VWA8: variants seen among roughly 807,000 people sequenced by gnomAD.
The protein encoded by VWA8 is von Willebrand factor A domain containing 8, also known as von Willebrand factor A domain-containing protein 8.
Under a neutral mutation model 241.5 loss-of-function variants are expected in VWA8, and 221 were observed. The ratio of observed to expected loss-of-function variants is 0.91; its 90% CI spans 0.82 to 1.02. The LOEUF (loss-of-function observed/expected upper bound fraction) is 1.02, where lower values mean the gene tolerates loss of function less well. Among genes scored for constraint, VWA8 ranks in the 50% least tolerant of loss-of-function variants. The pLI is 0.00. For missense variants in VWA8, 2,322 were observed against 2,328.7 expected (o/e 1.00, Z 0.06); for synonymous variants, 852 against 827.1 (o/e 1.03, Z -0.52).
At chr13:41,795,190 G>GA (rs139612211) in intron 17 of VWA8, among the ~76,000 whole-genome samples, 23,364 of 152,000 alleles carry the variant, frequency 0.15, 1,890 homozygotes, top group East Asian at 0.19. Context: ...CAACGAACAT[G>GA]AAAAAAAGCT....
rs7333552 is a variant in VWA8 at position 41,582,859 on chromosome 13, G to C, written c.5271+4653C>G. Among the ~76,000 whole-genome samples the C allele has an allele frequency of 4.5e-3, 679 of 152,288 alleles. 4 individuals are homozygous for C. The highest frequency in any genetic ancestry group is 0.016 in the African/African-American group (649 of 41,556). Reference sequence around the variant, plus strand: ...TGGAGAGAGGAGCTGGGAGCTGAGAGGGGGCGGGCAGTGGCTTACTCTTCA... The same window carrying C: ...TGGAGAGAGGAGCTGGGAGCTGAGACGGGGCGGGCAGTGGCTTACTCTTCA... On this transcript the variant is annotated intron_variant, in intron 42 of 44. Coordinates refer to ENST00000379310, the MANE Select transcript of VWA8 (RefSeq NM_015058.2).
intron 17 of VWA8, among the ~76,000 whole-genome samples, chr13:41,800,736 TGA>T (rs1466671531): frequency 1.4e-5 from 2 of 145,016 alleles, no homozygotes; most frequent in African/African-American, 2.6e-5. Context: ...GAGCTTGTAG[TGA>T]GCTGAGATGG....
intron 4 of VWA8, among the ~76,000 whole-genome samples, chr13:41,895,185 T>C (rs1875039657): frequency 6.6e-6 from 1 of 152,078 alleles, no homozygotes; most frequent in Non-Finnish European, 1.5e-5. Context: ...AACTGATACA[T>C]ATCAGGCGCT....
intron 12 of VWA8, among the ~76,000 whole-genome samples, chr13:41,842,595 T>C (rs12867548): frequency 2.3e-3 from 352 of 152,318 alleles, no homozygotes; most frequent in Middle Eastern, 6.8e-3. Context: ...TCATTGAAGA[T>C]AACCAGAAGT....
At chr13:41,648,637 C>T (rs986379461) in intron 37 of VWA8, among the ~76,000 whole-genome samples, 2 of 152,114 alleles carry the variant, frequency 1.3e-5, no homozygotes, top group Non-Finnish European at 1.5e-5. Flanking sequence ...TTGACGGGGC[C>T]GTAAAATAAT....
At position 41,623,805 on chromosome 13, in the gene VWA8, T is replaced by C. The variant is rs146433020; in HGVS notation, c.4612-8721A>G. ...GGAACAAAGTCACAGCACAAGATGA[T>C]ACAGGCTATGATAAGGTTCTGAATA... On this transcript the variant is annotated intron_variant, in intron 37 of 44. Coordinates refer to ENST00000379310, the MANE Select transcript of VWA8 (RefSeq NM_015058.2). Among the ~76,000 whole-genome samples, 237 of 152,322 alleles carry C rather than the reference T, an allele frequency of 1.6e-3. 1 individual carries two copies. Among genetic ancestry groups the C allele is most frequent in the African/African-American group, 5.2e-3 (218 of 41,586 alleles).
At chr13:41,696,126 T>C (rs1471680030) in intron 29 of VWA8, 1 of 152,216 alleles carries the variant, frequency 6.6e-6, no homozygotes, top group South Asian at 2.1e-4. Context: ...AATACTTTGT[T>C]GAAAATCTTT....
chr13:41,575,907 T>C, intron 42 of VWA8, 69 bp from the exon 43 acceptor site: 1 of 1,182,442 alleles, frequency 8.5e-7, no homozygotes, highest in Non-Finnish European at 1.2e-6. Flanking sequence ...ATCTTTAATG[T>C]TCAACTCTTT....
chr13:41,597,078 T>C (rs1332651413), intron 40 of VWA8, among the ~76,000 whole-genome samples: 7 of 152,112 alleles, frequency 4.6e-5, no homozygotes, highest in Admixed American at 1.3e-4. Flanking sequence ...GCAATTGTTA[T>C]AGAGAGTTTA....
At chr13:41,838,394 T>C (rs535669564) in intron 12 of VWA8, among the ~76,000 whole-genome samples, 16 of 152,278 alleles carry the variant, frequency 1.1e-4, no homozygotes, top group African/African-American at 3.8e-4. Context: ...GCTACCTCTC[T>C]TACTGATACT....
At chr13:41,712,761 G>A (rs573913298) in intron 26 of VWA8, among the ~76,000 whole-genome samples, 1 of 152,094 alleles carries the variant, frequency 6.6e-6, no homozygotes, top group African/African-American at 2.4e-5. Context: ...TTTTTAATCT[G>A]TAAAACAGAT....
chr13:41,640,339 C>T (rs1419869958), intron 37 of VWA8, among the ~76,000 whole-genome samples: 1 of 152,144 alleles, frequency 6.6e-6, no homozygotes, highest in Non-Finnish European at 1.5e-5. Flanking sequence ...CAGCCAGACC[C>T]AAATAGCTCA....
intron 17 of VWA8, among the ~76,000 whole-genome samples, chr13:41,804,000 A>G (rs1870076157): frequency 6.6e-6 from 1 of 152,212 alleles, no homozygotes; most frequent in Non-Finnish European, 1.5e-5. Flanking sequence ...GAGGAGACAA[A>G]AGAATAAAAC....
rs1004093307 is a variant in VWA8, at chr13:41,960,741, C to A, written c.163+112G>T. On this transcript the variant is annotated intron_variant, in intron 1 of 44. Coordinates refer to ENST00000379310, the MANE Select transcript of VWA8 (RefSeq NM_015058.2). ...CTCAATCTTTCAGCTCCCCGCTCGG[C>A]AAACGGTCCTTCCAAGCGCAGCGAA... 5.8e-6 allele frequency: 8 copies of A among 1,370,334 alleles called. No individual in the cohort carries two copies. The African/African-American group carries it at 1.2e-4, about 21-fold the overall frequency. 84.9% of individuals were successfully genotyped at this position (1,370,334 alleles called of 1,614,324 possible). A position where few individuals can be genotyped will look rare whatever the true frequency, so the allele number is the denominator to read the frequency against.
At chr13:41,831,224 GC>G (rs1386691582) in intron 13 of VWA8, among the ~76,000 whole-genome samples, 1 of 152,120 alleles carries the variant, frequency 6.6e-6, no homozygotes, top group African/African-American at 2.4e-5. Context: ...GTCTCCTAAT[GC>G]CCACAATAGA....
intron 12 of VWA8, among the ~76,000 whole-genome samples, chr13:41,834,926 T>C (rs888676134): frequency 1.3e-5 from 2 of 152,178 alleles, no homozygotes; most frequent in African/African-American, 4.8e-5. Flanking sequence ...ATCATGTCCT[T>C]TGCAGGGACA....
intron 2 of VWA8, among the ~76,000 whole-genome samples, chr13:41,919,052 A>G (rs1392333399): frequency 6.6e-6 from 1 of 152,180 alleles, no homozygotes; most frequent in African/African-American, 2.4e-5. Context: ...TCCCCCATAA[A>G]AAAACCAAGC....
At chr13:41,925,243 C>T (rs1191961064) in intron 2 of VWA8, among the ~76,000 whole-genome samples, 1 of 152,104 alleles carries the variant, frequency 6.6e-6, no homozygotes, top group African/African-American at 2.4e-5. Context: ...ACTGGACCTG[C>T]CTTACAAGAA....
At chr13:41,629,787 C>T (rs945470278) in intron 37 of VWA8, among the ~76,000 whole-genome samples, 4 of 152,156 alleles carry the variant, frequency 2.6e-5, no homozygotes, top group Non-Finnish European at 5.9e-5. Flanking sequence ...GCACAGGTAG[C>T]TTCTATGTGT....
Sources: gnomAD v4.1 joint callset for allele counts (sites outside exome capture counted in the v4.1 genomes callset) on GRCh38, gnomAD v4.1.1 for gene constraint, MANE v1.5 for transcripts, NCBI Gene and HGNC (gene_info 2026-07-23, HGNC 2026-07-21) for gene names.